Variants in FGF12 observed in about 807,000 individuals in gnomAD.
FGF12 encodes the protein fibroblast growth factor 12.
In FGF12, 14 loss-of-function variants were observed where a neutral mutation model predicts 23.6. That is an observed-to-expected ratio of 0.59 (90% CI 0.39 to 0.93). The LOEUF (loss-of-function observed/expected upper bound fraction) is 0.93, where lower values mean the gene tolerates loss of function less well. Ranked by LOEUF, FGF12 falls within the 40% of genes least tolerant of loss-of-function variation. The pLI is 0.00. For synonymous variants in FGF12, 62 were observed against 77.3 expected, an observed-to-expected ratio of 0.80 and a Z score of 1.04; for missense variants, 175 against 217.8, an observed-to-expected ratio of 0.80 and a Z score of 1.24.
Position 192,143,722 on chromosome 3 carries a change from A to G in FGF12, c.*287T>C, listed in dbSNP as rs1440536382. 1 of 306,552 alleles carries G rather than the reference A, an allele frequency of 3.3e-6. No homozygotes were observed. Among genetic ancestry groups the G allele is most frequent in the African/African-American group, 2.2e-5 (1 of 45,962 alleles). The allele number at this position is 306,552 out of a possible 1,614,324, so 19.0% of individuals were successfully genotyped here. ...TACAATTAGCCTTCTACTAATAACA[A>G]TACAGTTTAATTTAATATTTATGGA... On this transcript the variant is annotated 3_prime_UTR_variant, in exon 6 of 6. Coordinates refer to ENST00000445105, the MANE Select transcript of FGF12 (RefSeq NM_004113.6).
chr3:192,274,560 AAGAG>A (rs1159744688), intron 4 of FGF12, among the ~76,000 whole-genome samples: 1 of 150,836 alleles, frequency 6.6e-6, no homozygotes, highest in African/African-American at 2.4e-5. Flanking sequence ...TTTGGCAAGA[AAGAG>A]AGGAAGAGAG....
chr3:192,432,549 T>A (rs570486152), intron 2 of FGF12, among the ~76,000 whole-genome samples: 1 of 148,444 alleles, frequency 6.7e-6, no homozygotes, highest in Non-Finnish European at 1.5e-5. Flanking sequence ...ATTGTCATGT[T>A]GTGAACCGCC....
rs1721135907 is a variant in FGF12, at chr3:192,409,901, C to T, written c.14-49363G>A. ...TCAGAGCCGCGGGCTTGCGGGGCGC[C>T]CCCCGCCGCCGCGCCGCCGCCTCCC... On this transcript the variant is annotated intron_variant, in intron 2 of 5. Transcript: ENST00000445105. The surrounding 1 kb of genome is among the most constrained non-coding windows in gnomAD (Gnocchi z 4.8). Among the ~76,000 whole-genome samples, 1 of 151,832 alleles carries T rather than the reference C, an allele frequency of 6.6e-6. No homozygotes were observed. The highest frequency in any genetic ancestry group is 1.5e-5 in the Non-Finnish European group (1 of 67,906).
intron 4 of FGF12, among the ~76,000 whole-genome samples, chr3:192,217,198 A>C (rs1317232444): frequency 6.6e-6 from 1 of 152,080 alleles, no homozygotes; most frequent in Non-Finnish European, 1.5e-5. Context: ...TAATGAAGGT[A>C]CCTCTTTCAT....
At chr3:192,566,204 G>A (rs572736688) in intron 2 of FGF12, among the ~76,000 whole-genome samples, 3 of 152,296 alleles carry the variant, frequency 2.0e-5, no homozygotes, top group Admixed American at 6.5e-5. Context: ...TTACCAAATC[G>A]CTCTACTAGT....
rs186400618 is a variant in FGF12 at position 192,309,822 on chromosome 3, G to A, written c.228+25539C>T. On this transcript the variant is annotated intron_variant, in intron 4 of 5. Coordinates refer to ENST00000445105, the MANE Select transcript of FGF12 (RefSeq NM_004113.6). ...AGCCAGAGAATTATGCTGGCTTCTA[G>A]AGGGAACCCATCAGAAAATGTTATT... is the stretch of plus-strand genomic sequence containing the variant. 8.9e-4 allele frequency among the ~76,000 whole-genome samples: 135 copies of A among 152,276 alleles called. 1 individual carries two copies. The highest frequency in any genetic ancestry group is 6.8e-3 in the Middle Eastern group (2 of 294).
intron 2 of FGF12, among the ~76,000 whole-genome samples, chr3:192,484,414 C>G (rs1723571502): frequency 6.6e-6 from 1 of 151,884 alleles, no homozygotes; most frequent in Admixed American, 6.6e-5. Context: ...CCACACAGAC[C>G]CTTCAGTCAG....
At chr3:192,633,012 G>T (rs995145803) in intron 2 of FGF12, among the ~76,000 whole-genome samples, 28 of 151,876 alleles carry the variant, frequency 1.8e-4, no homozygotes, top group African/African-American at 6.0e-4. Context: ...TTTTCTCTGT[G>T]TGCCCTCTCC....
chr3:192,374,851 G>T (rs9881054), intron 2 of FGF12, among the ~76,000 whole-genome samples: 33,461 of 152,078 alleles, frequency 0.22, 4,621 homozygotes, highest in African/African-American at 0.37. Context: ...CTCTCAACCA[G>T]GTACTCATCA....
intron 2 of FGF12, among the ~76,000 whole-genome samples, chr3:192,565,866 C>T (rs1485783373): frequency 6.6e-6 from 1 of 152,210 alleles, no homozygotes; most frequent in Non-Finnish European, 1.5e-5. Flanking sequence ...GCAGGCAGAT[C>T]ACCTGAGGTC....
intron 2 of FGF12, among the ~76,000 whole-genome samples, chr3:192,655,274 G>C (rs964046560): frequency 6.6e-6 from 1 of 152,142 alleles, no homozygotes; most frequent in Non-Finnish European, 1.5e-5. Context: ...AGCCACCCTT[G>C]TAGATAGGTG....
intron 2 of FGF12, among the ~76,000 whole-genome samples, chr3:192,467,478 C>A (rs1723044663): frequency 6.6e-6 from 1 of 152,108 alleles, no homozygotes; most frequent in African/African-American, 2.4e-5. Flanking sequence ...CCAGACTGTG[C>A]GCCGAACAGG....
chr3:192,386,128 T>A (rs1285296812), intron 2 of FGF12, among the ~76,000 whole-genome samples: 1 of 152,232 alleles, frequency 6.6e-6, no homozygotes, highest in Non-Finnish European at 1.5e-5. Flanking sequence ...ATCTAATTAG[T>A]GACATTGTCT....
intron 4 of FGF12, among the ~76,000 whole-genome samples, chr3:192,190,581 T>C (rs945023001): frequency 4.8e-5 from 7 of 146,686 alleles, no homozygotes; most frequent in African/African-American, 1.5e-4. Context: ...GTTCACGCCA[T>C]TCTCCTGCCT....
At chr3:192,459,645 A>G (rs1722793671) in intron 2 of FGF12, among the ~76,000 whole-genome samples, 1 of 152,248 alleles carries the variant, frequency 6.6e-6, no homozygotes, top group Non-Finnish European at 1.5e-5. Flanking sequence ...ACATTGATTC[A>G]AATATTAAAG....
At chr3:192,656,280 GACAC>G (rs61645270) in intron 2 of FGF12, among the ~76,000 whole-genome samples, 3,389 of 110,458 alleles carry the variant, frequency 0.031, 72 homozygotes, top group African/African-American at 0.063. Flanking sequence ...AAGGTGAAAA[GACAC>G]ACACACACAC....
At chr3:192,414,454 A>G (rs1056072329) in intron 2 of FGF12, among the ~76,000 whole-genome samples, 1 of 152,202 alleles carries the variant, frequency 6.6e-6, no homozygotes, top group Non-Finnish European at 1.5e-5. Flanking sequence ...AAAACAAAAC[A>G]CCATGAATAA....
intron 4 of FGF12, among the ~76,000 whole-genome samples, chr3:192,287,862 G>A (rs1714540953): frequency 6.6e-6 from 1 of 152,008 alleles, no homozygotes; most frequent in African/African-American, 2.4e-5. Flanking sequence ...TGGCAAATGC[G>A]ATGACAAACA....
intron 2 of FGF12, among the ~76,000 whole-genome samples, chr3:192,547,755 T>C (rs1725532753): frequency 1.3e-5 from 2 of 152,222 alleles, no homozygotes; most frequent in Non-Finnish European, 2.9e-5. Context: ...GAAACTAGTA[T>C]TATTCCTCAT....
Sources: allele counts gnomAD v4.1 joint callset (sites outside exome capture counted in the v4.1 genomes callset), GRCh38; gene constraint gnomAD v4.1.1; non-coding constraint Gnocchi (gnomAD v3.1); transcripts MANE v1.5; gene names NCBI Gene and HGNC (gene_info 2026-07-23, HGNC 2026-07-21).